GRAMD1B: variants seen among roughly 807,000 people sequenced by gnomAD.
The protein encoded by GRAMD1B is protein Aster-B.
In GRAMD1B, 37 loss-of-function variants were observed where a neutral mutation model predicts 99.7. That is an observed-to-expected ratio of 0.37 (90% CI 0.29 to 0.49). The LOEUF (loss-of-function observed/expected upper bound fraction) is 0.49. Ranked by LOEUF, GRAMD1B falls within the 20% of genes least tolerant of loss-of-function variation. The pLI is 0.98. For missense variants in GRAMD1B, 888 were observed against 1,009.2 expected, an observed-to-expected ratio of 0.88 and a Z score of 1.63; for synonymous variants, 427 against 387.6, an observed-to-expected ratio of 1.10 and a Z score of -1.19.
chr11:123,425,153 C>T (rs998541952), intron 1 of GRAMD1B, among the ~76,000 whole-genome samples: 3 of 152,118 alleles, frequency 2.0e-5, no homozygotes. Context: ...ATAACTTAAC[C>T]GTAATAAAAC....
At chr11:123,399,159 C>T (rs760819859) in intron 1 of GRAMD1B, among the ~76,000 whole-genome samples, 60 of 152,266 alleles carry the variant, frequency 3.9e-4, no homozygotes, top group Non-Finnish European at 4.6e-4. Context: ...TTTTTAGATT[C>T]CATATATAAG....
intron 2 of GRAMD1B, among the ~76,000 whole-genome samples, chr11:123,559,507 G>T (rs1946473513): frequency 6.6e-6 from 1 of 152,098 alleles, no homozygotes; most frequent in African/African-American, 2.4e-5. Context: ...TGTAAGTCAT[G>T]AATGACTTTC....
intron 2 of GRAMD1B, among the ~76,000 whole-genome samples, chr11:123,529,019 C>T (rs749712134): frequency 2.3e-4 from 35 of 152,180 alleles, no homozygotes; most frequent in Non-Finnish European, 5.0e-4. Context: ...TTCATTTTCT[C>T]ATCCATTTCT....
intron 5 of GRAMD1B, among the ~76,000 whole-genome samples, chr11:123,594,521 C>T (rs1180392119): frequency 6.6e-6 from 1 of 152,204 alleles, no homozygotes; most frequent in Non-Finnish European, 1.5e-5. Context: ...TATTTATCTG[C>T]CTCTAGGCAG....
At position 123,591,369 on chromosome 11, in the gene GRAMD1B, G is replaced by A. The variant is rs1033392897; in HGVS notation, c.685-2713G>A. The A allele has an allele frequency of 5.8e-5, 23 of 399,088 alleles. No individual in the cohort carries two copies. In the East Asian group the frequency reaches 6.4e-4, roughly 11 times the overall value. The allele number at this position is 399,088 out of a possible 1,614,324, so 24.7% of individuals were successfully genotyped here. ...GTCAGTGCTCAGGGAGCCAGGCGTC[G>A]TTGGGAGGGGCAGCCGTGCTGGGCA... is the stretch of plus-strand genomic sequence containing the variant. On this transcript the variant is annotated intron_variant, in intron 4 of 19. Transcript: ENST00000635736. This position sits in a 1 kb window ranked among gnomAD's most constrained non-coding sequence, Gnocchi z 4.7.
chr11:123,514,003 A>G (rs1028054969), intron 2 of GRAMD1B, among the ~76,000 whole-genome samples: 2 of 152,068 alleles, frequency 1.3e-5, no homozygotes. Context: ...GCATTAATTA[A>G]CCCATTCATT....
chr11:123,411,325 A>G (rs189629881), intron 1 of GRAMD1B, among the ~76,000 whole-genome samples: 3 of 152,116 alleles, frequency 2.0e-5, no homozygotes, highest in Admixed American at 6.5e-5. Flanking sequence ...TTAGTAGGTT[A>G]TGTGTTCATT....
chr11:123,544,159 A>G (rs971394353), intron 2 of GRAMD1B, among the ~76,000 whole-genome samples: 2 of 152,268 alleles, frequency 1.3e-5, no homozygotes, highest in East Asian at 3.9e-4. Flanking sequence ...TTGAGGAGAG[A>G]TTGAACATCT....
chr11:123,453,616 A>G (rs967128984), intron 1 of GRAMD1B, among the ~76,000 whole-genome samples: 2 of 152,012 alleles, frequency 1.3e-5, no homozygotes, highest in African/African-American at 2.4e-5. Context: ...CGTGCCTGGC[A>G]ATATATAGGT....
intron 1 of GRAMD1B, among the ~76,000 whole-genome samples, chr11:123,435,268 G>T (rs1171502011): frequency 6.6e-6 from 1 of 152,188 alleles, no homozygotes; most frequent in Non-Finnish European, 1.5e-5. Flanking sequence ...TGCTCCAAAA[G>T]AGAGAAAAAC....
intron 1 of GRAMD1B, among the ~76,000 whole-genome samples, chr11:123,396,847 A>C (rs78442873): frequency 0.063 from 9,648 of 152,270 alleles, 994 homozygotes; most frequent in African/African-American, 0.22. Context: ...ATCTGTCATT[A>C]TGGGGATAAT....
intron 2 of GRAMD1B, among the ~76,000 whole-genome samples, chr11:123,524,000 T>G (rs542604444): frequency 1.7e-4 from 26 of 152,362 alleles, no homozygotes; most frequent in African/African-American, 6.3e-4. Context: ...TATACCTTAT[T>G]TTTTTCTTTC....
intron 1 of GRAMD1B, among the ~76,000 whole-genome samples, chr11:123,463,077 C>T (rs1304703137): frequency 2.6e-5 from 4 of 152,110 alleles, no homozygotes; most frequent in South Asian, 2.1e-4. Flanking sequence ...GGCGCGATCT[C>T]GGCTCACCGC....
At position 123,528,689 on chromosome 11, in the gene GRAMD1B, G is replaced by GC. The variant is rs563711490; in HGVS notation, c.452+47797dup. 3.5e-3 allele frequency among the ~76,000 whole-genome samples: 538 copies of GC among 151,972 alleles called. 5 individuals carry two copies. Among genetic ancestry groups the GC allele is most frequent in the South Asian group, 6.3e-3 (30 of 4,794 alleles). ...CTGTGTAATGCCGTGCTAGACACCGGCTTTTTTTTTTATGTTCTGTTGTCT... is the reference window on the plus strand; with the variant it reads ...CTGTGTAATGCCGTGCTAGACACCGGCCTTTTTTTTTTATGTTCTGTTGTCT... On this transcript the variant is annotated intron_variant, in intron 2 of 19. Transcript: ENST00000635736.
Position 123,608,643 on chromosome 11 carries a change from C to T in GRAMD1B, c.1514-16C>T, listed in dbSNP as rs375574990. 18 of 1,575,488 alleles carry T rather than the reference C, an allele frequency of 1.1e-5. No individual in the cohort carries two copies. Among genetic ancestry groups the T allele is most frequent in the Non-Finnish European group, 1.5e-5 (17 of 1,159,600 alleles). ...CCGCTGTCACTGTCTACTTCCTGAT[C>T]CTCTCTTCTGTGCAGGAGAGGTCCA... is the stretch of plus-strand genomic sequence containing the variant. On this transcript the variant is annotated splice_polypyrimidine_tract_variant and intron_variant, in intron 11 of 19. Coordinates refer to ENST00000635736, the MANE Select transcript of GRAMD1B (RefSeq NM_001387025.1).
chr11:123,587,214 G>A lies in GRAMD1B; in HGVS notation c.684+2882G>A, dbSNP rs1177042073. Among the ~76,000 whole-genome samples, 10 of 152,216 alleles carry A rather than the reference G, an allele frequency of 6.6e-5. No individual in the cohort carries two copies. The highest frequency in any genetic ancestry group is 1.2e-4 in the Non-Finnish European group (8 of 68,026). On this transcript the variant is annotated intron_variant, in intron 4 of 19. Transcript: ENST00000635736. This position sits in a 1 kb window ranked among gnomAD's most constrained non-coding sequence, Gnocchi z 4.2. Reference sequence around the variant, plus strand: ...ATGCTTGGTCTAAAGAGTGAGTCATGCGGAGGCAAGTGGCTGGACCCCAGG... The same window carrying A: ...ATGCTTGGTCTAAAGAGTGAGTCATACGGAGGCAAGTGGCTGGACCCCAGG...
At chr11:123,595,442 C>A (rs530383582) in intron 6 of GRAMD1B, among the ~76,000 whole-genome samples, 1 of 152,010 alleles carries the variant, frequency 6.6e-6, no homozygotes, top group African/African-American at 2.4e-5. Flanking sequence ...TACAGGCATG[C>A]GCCACCACGC....
intron 2 of GRAMD1B, among the ~76,000 whole-genome samples, chr11:123,559,993 G>A (rs1001105294): frequency 2.6e-5 from 4 of 152,138 alleles, no homozygotes; most frequent in African/African-American, 9.7e-5. Flanking sequence ...AATAATTGGT[G>A]GCAGCGAAGG....
chr11:123,496,650 C>T (rs918753343), intron 2 of GRAMD1B, among the ~76,000 whole-genome samples: 2 of 150,928 alleles, frequency 1.3e-5, no homozygotes, highest in Non-Finnish European at 2.9e-5. Flanking sequence ...ATTCTTTTGT[C>T]GCCTCTAACT....
Sources: gnomAD v4.1 joint callset for allele counts (sites outside exome capture counted in the v4.1 genomes callset) on GRCh38, gnomAD v4.1.1 for gene constraint, Gnocchi (gnomAD v3.1) non-coding constraint, MANE v1.5 for transcripts, NCBI Gene and HGNC (gene_info 2026-07-23, HGNC 2026-07-21) for gene names.